Variants in CDKAL1 observed in about 807,000 individuals in gnomAD.
The protein encoded by CDKAL1 is threonylcarbamoyladenosine tRNA methylthiotransferase.
In CDKAL1, 32 loss-of-function variants were observed where a neutral mutation model predicts 68.2. That is an observed-to-expected ratio of 0.47 (90% CI 0.35 to 0.63). The LOEUF (loss-of-function observed/expected upper bound fraction) is 0.63. Among genes scored for constraint, CDKAL1 ranks in the 30% least tolerant of loss-of-function variants. The pLI is 0.00. For missense variants in CDKAL1, 606 were observed against 696.7 expected (o/e 0.87, Z 1.47); for synonymous variants, 234 against 244.3 (o/e 0.96, Z 0.39).
chr6:21,150,403 T>G (rs1315360660), intron 13 of CDKAL1, among the ~76,000 whole-genome samples: 3 of 152,190 alleles, frequency 2.0e-5, no homozygotes, highest in Non-Finnish European at 4.4e-5. Context: ...CATGGCCATT[T>G]CCTTTAGTGC....
At position 20,692,991 on chromosome 6, in the gene CDKAL1, A is replaced by G. The variant is rs549451879; in HGVS notation, c.371+43614A>G. On this transcript the variant is annotated intron_variant, in intron 5 of 15. Coordinates refer to ENST00000274695, the MANE Select transcript of CDKAL1 (RefSeq NM_017774.3). ...AAAAAATACAAAAAATTAGCCGGGC[A>G]TGGTGGCAGGTGCCAATAGTCCCAG... is the stretch of plus-strand genomic sequence containing the variant. Among the ~76,000 whole-genome samples, 3 of 151,942 alleles carry G rather than the reference A, an allele frequency of 2.0e-5. No individual in the cohort carries two copies. In the South Asian group the frequency reaches 6.3e-4, roughly 32 times the overall value.
chr6:20,745,543 G>C (rs774314842), intron 6 of CDKAL1, among the ~76,000 whole-genome samples: 27 of 152,012 alleles, frequency 1.8e-4, no homozygotes, highest in Non-Finnish European at 1.0e-4. Context: ...TCCTTGACCT[G>C]TTGGTTTCAC....
chr6:20,892,294 T>G lies in CDKAL1; in HGVS notation c.742+46116T>G, dbSNP rs75006332. On this transcript the variant is annotated intron_variant, in intron 9 of 15. Transcript: ENST00000274695. ...ACTCCTTCACAGATGAAAAGAGACTTAAAAGAGAATTGAAATATGTGGACT... is the reference window on the plus strand; with the variant it reads ...ACTCCTTCACAGATGAAAAGAGACTGAAAAGAGAATTGAAATATGTGGACT... Among the ~76,000 whole-genome samples, 1,317 of 152,242 alleles carry G rather than the reference T, an allele frequency of 8.7e-3. 26 individuals carry two copies. Among genetic ancestry groups the G allele is most frequent in the African/African-American group, 0.03 (1,245 of 41,530 alleles).
chr6:20,557,548 T>A (rs1002267257), intron 4 of CDKAL1, among the ~76,000 whole-genome samples: 4 of 152,188 alleles, frequency 2.6e-5, no homozygotes, highest in Admixed American at 2.6e-4. Flanking sequence ...ACTATATATA[T>A]GTATACATAT....
At chr6:20,784,412 C>CTTTTCTTTT (rs1775572868) in intron 8 of CDKAL1, among the ~76,000 whole-genome samples, 4 of 33,492 alleles carry the variant, frequency 1.2e-4, no homozygotes, top group African/African-American at 4.7e-4. Flanking sequence ...TATTTTATTT[C>CTTTTCTTTT]TTTTTTTTTT....
chr6:20,605,243 A>G (rs143653069), intron 4 of CDKAL1, among the ~76,000 whole-genome samples: 46 of 152,330 alleles, frequency 3.0e-4, no homozygotes, highest in African/African-American at 9.9e-4. Context: ...GGGCAGGATG[A>G]TTAATGGCTC....
intron 10 of CDKAL1, among the ~76,000 whole-genome samples, chr6:20,983,192 T>A (rs1766249598): frequency 6.6e-6 from 1 of 152,216 alleles, no homozygotes; most frequent in Non-Finnish European, 1.5e-5. Context: ...TGTTTATCAG[T>A]TTGTACTTAA....
intron 4 of CDKAL1, among the ~76,000 whole-genome samples, chr6:20,595,091 G>A (rs1765763186): frequency 6.6e-6 from 1 of 152,066 alleles, no homozygotes; most frequent in Non-Finnish European, 1.5e-5. Context: ...TTTCTCTCTG[G>A]CTGCCCTTAA....
At chr6:21,161,625 CTG>C (rs1386169640) in intron 13 of CDKAL1, among the ~76,000 whole-genome samples, 2 of 152,112 alleles carry the variant, frequency 1.3e-5, no homozygotes, top group African/African-American at 2.4e-5. Flanking sequence ...TATAAAGTCT[CTG>C]AATATATATT....
In CDKAL1 at chr6:20,871,176, T is replaced by C. The variant is rs1760192173; in HGVS notation, c.742+24998T>C. Among the ~76,000 whole-genome samples the C allele has an allele frequency of 2.0e-5, 3 of 152,120 alleles. No individual in the cohort carries two copies. The South Asian group carries it at 6.2e-4, about 31-fold the overall frequency. ...TTTTAAATGTGTAAAATAAAATTCA[T>C]AGGATTAAAAGAAAGCAAGTTATAT... On this transcript the variant is annotated intron_variant, in intron 9 of 15. Transcript: ENST00000274695.
At chr6:20,832,269 T>C (rs1413767425) in intron 8 of CDKAL1, among the ~76,000 whole-genome samples, 1 of 152,192 alleles carries the variant, frequency 6.6e-6, no homozygotes, top group East Asian at 1.9e-4. Context: ...AAGAATGTAT[T>C]CCAATATCAA....
At chr6:20,668,914 A>G (rs939581584) in intron 5 of CDKAL1, among the ~76,000 whole-genome samples, 1 of 152,090 alleles carries the variant, frequency 6.6e-6, no homozygotes, top group Non-Finnish European at 1.5e-5. Flanking sequence ...ATATTTCTTC[A>G]TGGTTAGATT....
chr6:20,925,840 T>G (rs1763161206), intron 9 of CDKAL1, among the ~76,000 whole-genome samples: 1 of 152,172 alleles, frequency 6.6e-6, no homozygotes, highest in African/African-American at 2.4e-5. Context: ...CTATTATCAA[T>G]TTTGTTCCTC....
chr6:20,936,047 A>G (rs1763690215), intron 9 of CDKAL1, among the ~76,000 whole-genome samples: 1 of 152,134 alleles, frequency 6.6e-6, no homozygotes, highest in Non-Finnish European at 1.5e-5. Flanking sequence ...TAGAAATGTA[A>G]TGCATTTTAT....
At chr6:20,597,760 C>T (rs2127708554) in intron 4 of CDKAL1, among the ~76,000 whole-genome samples, 1 of 152,282 alleles carries the variant, frequency 6.6e-6, no homozygotes. Context: ...TTATAATTTT[C>T]TCTCCTGAAA....
intron 8 of CDKAL1, among the ~76,000 whole-genome samples, chr6:20,792,766 C>T (rs924176414): frequency 6.6e-6 from 1 of 152,134 alleles, no homozygotes; most frequent in South Asian, 2.1e-4. Flanking sequence ...CAGAACATCT[C>T]TATGTATCTG....
intron 4 of CDKAL1, among the ~76,000 whole-genome samples, chr6:20,612,347 TG>T (rs1245303950): frequency 1.3e-5 from 2 of 152,328 alleles, no homozygotes; most frequent in African/African-American, 4.8e-5. Flanking sequence ...CCATAATGGT[TG>T]TACTAATTTA....
intron 6 of CDKAL1, among the ~76,000 whole-genome samples, chr6:20,743,209 A>G (rs914944002): frequency 1.3e-5 from 2 of 152,180 alleles, no homozygotes; most frequent in Admixed American, 1.3e-4. Flanking sequence ...ATTCCTTCAC[A>G]AAATTTCTAT....
chr6:20,911,321 T>C (rs1202871321), intron 9 of CDKAL1, among the ~76,000 whole-genome samples: 1 of 152,224 alleles, frequency 6.6e-6, no homozygotes, highest in African/African-American at 2.4e-5. Context: ...AAGCACTGTT[T>C]TCTATACTTC....
Sources: allele counts gnomAD v4.1 joint callset (sites outside exome capture counted in the v4.1 genomes callset), GRCh38; gene constraint gnomAD v4.1.1; transcripts MANE v1.5; gene names NCBI Gene and HGNC (gene_info 2026-07-23, HGNC 2026-07-21).